POLG2: variants seen among roughly 807,000 people sequenced by gnomAD.
POLG2 encodes DNA polymerase gamma 2, accessory subunit, also known as DNA polymerase subunit gamma-2.
A neutral mutation model predicts 56.5 loss-of-function variants in POLG2; 50 were observed. The ratio of observed to expected loss-of-function variants is 0.88; its 90% CI spans 0.71 to 1.12. The LOEUF is 1.12. Among genes scored for constraint, POLG2 ranks in the 50% most tolerant of loss-of-function variants. POLG2 has a pLI of 0.00. For synonymous variants in POLG2, 226 were observed against 222.6 expected, an observed-to-expected ratio of 1.02 and a Z score of -0.14; for missense variants, 584 against 583.3, an observed-to-expected ratio of 1.00 and a Z score of -0.01.
intron 6 of POLG2, chr17:64,481,486 A>G (rs2037855062): frequency 1.3e-6 from 1 of 753,538 alleles, no homozygotes; most frequent in African/African-American, 1.9e-5. Context: ...GCCTTTCTTA[A>G]GAGTATTTAA....
At chr17:64,485,537 C>A in intron 5 of POLG2, 191 bp downstream of exon 5, 1 of 607,502 alleles carries the variant, frequency 1.6e-6, no homozygotes. Flanking sequence ...ATTAGGGATG[C>A]CTTGTTCTAT....
Sources: allele counts gnomAD v4.1 joint callset, GRCh38; gene constraint gnomAD v4.1.1; transcripts MANE v1.5; gene names NCBI Gene and HGNC (gene_info 2026-07-23, HGNC 2026-07-21).